The following BANK1 variants were observed in gnomAD, a reference collection of about 807,000 sequenced individuals.
The protein encoded by BANK1 is B-cell scaffold protein with ankyrin repeats.
Under a neutral mutation model 94.5 loss-of-function variants are expected in BANK1, and 95 were observed. The ratio of observed to expected loss-of-function variants is 1.00; its 90% CI spans 0.85 to 1.19. The LOEUF (loss-of-function observed/expected upper bound fraction) is 1.19, where lower values mean the gene tolerates loss of function less well. BANK1 is among the 50% of genes most tolerant of loss of function. BANK1 has a pLI of 0.00. For synonymous variants in BANK1, 334 were observed against 308.4 expected, an observed-to-expected ratio of 1.08 and a Z score of -0.87; for missense variants, 987 against 932.2, an observed-to-expected ratio of 1.06 and a Z score of -0.77.
chr4:101,907,859 G>A (rs1378454511), intron 6 of BANK1, among the ~76,000 whole-genome samples: 1 of 152,136 alleles, frequency 6.6e-6, no homozygotes, highest in African/African-American at 2.4e-5. Flanking sequence ...GGATGTGAAG[G>A]ACCTCTTCAA....
At chr4:101,943,453 A>G (rs2631251) in intron 7 of BANK1, among the ~76,000 whole-genome samples, 134,685 of 151,776 alleles carry the variant, frequency 0.89, 60,288 homozygotes, top group Non-Finnish European at 0.95. Context: ...GCATTAAGGT[A>G]ACAGGACAAC....
chr4:101,936,880 A>G (rs1210073989), intron 7 of BANK1, among the ~76,000 whole-genome samples: 4 of 151,668 alleles, frequency 2.6e-5, no homozygotes, highest in African/African-American at 9.7e-5. Flanking sequence ...TAGTACAACC[A>G]CTATGGAGAA....
rs10026846 is a variant in BANK1 at position 102,010,231 on chromosome 4, C to G, written c.1207-11283C>G. ...AGTGAGCAGAGATCCAGCCACTGCA[C>G]TCCAGCCTGGGCGACAGAGTGAAAC... On this transcript the variant is annotated intron_variant, in intron 7 of 16. Coordinates refer to ENST00000322953, the MANE Select transcript of BANK1 (RefSeq NM_017935.5). 3.9e-4 allele frequency among the ~76,000 whole-genome samples: 59 copies of G among 152,068 alleles called. No homozygotes were observed. In the East Asian group the frequency reaches 4.1e-3, roughly 11 times the overall value.
intron 2 of BANK1, among the ~76,000 whole-genome samples, chr4:101,851,436 A>G (rs1273675992): frequency 1.3e-5 from 2 of 152,256 alleles, no homozygotes; most frequent in East Asian, 1.9e-4. Flanking sequence ...TGTGCCAGGC[A>G]CAACTGTATG....
chr4:101,854,425 C>A (rs1261214596), intron 2 of BANK1, among the ~76,000 whole-genome samples: 1 of 152,114 alleles, frequency 6.6e-6, no homozygotes, highest in Non-Finnish European at 1.5e-5. Flanking sequence ...TTTACATTAG[C>A]ATATTTCAGT....
In BANK1 at chr4:102,060,282, A is replaced by C. The variant is rs1287395291; in HGVS notation, c.2041A>C (p.Ile681Leu). The change falls in exon 12 of 17, where the codon ATC becomes CTC. Residue 681 changes from isoleucine (I) to leucine (L), a missense_variant. Coordinates refer to ENST00000322953, the MANE Select transcript of BANK1 (RefSeq NM_017935.5). Reference protein sequence around the residue: ...GCLTDGQEELILLQEKVKNGK... With the variant: ...GCLTDGQEELLLLQEKVKNGK... ...TCTAACTGATGGTCAGGAAGAACTCATCCTCCTGCAGGAGAAAGTAAAGAA... is the reference window on the plus strand; with the variant it reads ...TCTAACTGATGGTCAGGAAGAACTCCTCCTCCTGCAGGAGAAAGTAAAGAA... 6.2e-7 allele frequency: 1 copy of C among 1,610,192 alleles called. No individual in the cohort carries two copies. The highest frequency in any genetic ancestry group is 1.1e-5 in the South Asian group (1 of 90,294).
chr4:101,940,994 CCTT>C (rs1177794783), intron 7 of BANK1, among the ~76,000 whole-genome samples: 3 of 151,680 alleles, frequency 2.0e-5, no homozygotes, highest in African/African-American at 7.3e-5. Context: ...TATGTGGAAT[CCTT>C]CTACACAGGA....
At chr4:102,001,458 G>C (rs1483694660) in intron 7 of BANK1, among the ~76,000 whole-genome samples, 2 of 152,110 alleles carry the variant, frequency 1.3e-5, no homozygotes, top group Non-Finnish European at 2.9e-5. Flanking sequence ...AAATTAGCTG[G>C]GCATGGTGGC....
intron 7 of BANK1, among the ~76,000 whole-genome samples, chr4:101,991,867 T>C (rs952565290): frequency 6.6e-6 from 1 of 152,210 alleles, no homozygotes; most frequent in Non-Finnish European, 1.5e-5. Context: ...CATCTCTTTC[T>C]CATCGCAGAC....
chr4:102,025,399 A>C lies in BANK1; in HGVS notation c.1484A>C (p.Asp495Ala), dbSNP rs147307680. The change falls in exon 9 of 17, where the codon GAT (aspartate) becomes GCT (alanine). Residue 495 changes from aspartate to alanine, a missense_variant. Transcript: ENST00000322953. ...TTGTATGTGTTCATTCCTGGTGCTG[A>C]TCCAGAAAATAATTCACAAGAGCCA... is the stretch of plus-strand genomic sequence containing the variant. The part of the protein sequence containing the change: ...DDLYVFIPGA[D>A]PENNSQEPLM... The C allele has an allele frequency of 1.9e-6, 3 of 1,613,948 alleles. No individual in the cohort carries two copies. Among genetic ancestry groups the C allele is most frequent in the African/African-American group, 2.7e-5 (2 of 74,884 alleles).
At chr4:101,917,050 A>C (rs928588738) in intron 6 of BANK1, among the ~76,000 whole-genome samples, 6 of 152,022 alleles carry the variant, frequency 3.9e-5, no homozygotes, top group African/African-American at 7.2e-5. Flanking sequence ...AAATAACTAC[A>C]TAGTGTATGA....
In BANK1 at chr4:101,862,575, C is replaced by T. The variant is rs370780104; in HGVS notation, c.674C>T (p.Thr225Ile). 21 of 1,610,292 alleles carry T rather than the reference C, an allele frequency of 1.3e-5. No individual in the cohort carries two copies. The African/African-American group carries it at 2.7e-4, about 21-fold the overall frequency. ...TTGAGAGATGAAGTAATTGGTGATA[C>T]TGTAGAGGTTGAATTTACATCAAGT... ...IILRDEVIGD[T>I]VEVEFTSSNK... is the part of the protein sequence containing the mutation. Residue 225 changes from threonine to isoleucine, a missense_variant, in exon 4 of 17, where the codon ACT (threonine) becomes ATT (isoleucine). Thr to Ile is a moderately conservative substitution (Grantham distance 89, BLOSUM62 -1). Transcript: ENST00000322953.
rs1726973999 is a variant in BANK1, at chr4:101,839,949, T to TA, written c.469+9743_469+9744insA. On this transcript the variant is annotated intron_variant, in intron 2 of 16. Coordinates refer to ENST00000322953, the MANE Select transcript of BANK1 (RefSeq NM_017935.5). ...TTTCAAATATTTAATTTTTTTTTTT[T>TA]TTTTTTTTTTTTTTTTTTTTTTTTT... Among the ~76,000 whole-genome samples the TA allele has an allele frequency of 7.5e-4, 20 of 26,690 alleles. 2 individuals carry two copies. The highest frequency in any genetic ancestry group is 2.0e-3 in the African/African-American group (19 of 9,394). The allele number at this position is 26,690 out of a possible 152,430, so 17.5% of individuals were successfully genotyped here.
intron 2 of BANK1, 48 bp downstream of exon 2, chr4:101,830,254 TTTTG>T (rs1726564928): frequency 2.1e-6 from 3 of 1,420,086 alleles, no homozygotes; most frequent in Non-Finnish European, 2.8e-6. Context: ...GTTTTTTTTT[TTTTG>T]TAATTAAAGA....
At position 101,888,455 on chromosome 4, in the gene BANK1, G is replaced by T. The variant is rs116643286; in HGVS notation, c.904-6850G>T. 2.5e-3 allele frequency among the ~76,000 whole-genome samples: 373 copies of T among 152,192 alleles called. 1 individual carries two copies. Among genetic ancestry groups the T allele is most frequent in the African/African-American group, 8.2e-3 (342 of 41,524 alleles). On this transcript the variant is annotated intron_variant, in intron 5 of 16. Transcript: ENST00000322953. ...TCTGGCTAAACATCAGTATAATGTT[G>T]GGAACTGCAGTGGTGATCTTGAAGC... is the stretch of plus-strand genomic sequence containing the variant.
At chr4:101,878,307 C>T (rs780228112) in intron 5 of BANK1, among the ~76,000 whole-genome samples, 5 of 152,040 alleles carry the variant, frequency 3.3e-5, no homozygotes, top group Non-Finnish European at 5.9e-5. Flanking sequence ...GGGGTAGTTA[C>T]ACTGATAACA....
intron 7 of BANK1, among the ~76,000 whole-genome samples, chr4:101,994,298 T>G (rs1485998760): frequency 6.6e-6 from 1 of 152,214 alleles, no homozygotes; most frequent in African/African-American, 2.4e-5. Flanking sequence ...TGATGGATGC[T>G]ACAGAAATGC....
intron 7 of BANK1, among the ~76,000 whole-genome samples, chr4:101,961,426 C>T (rs912663988): frequency 6.6e-6 from 1 of 152,164 alleles, no homozygotes; most frequent in Non-Finnish European, 1.5e-5. Flanking sequence ...TGGCACTAAG[C>T]TGCCAACTTG....
intron 7 of BANK1, among the ~76,000 whole-genome samples, chr4:102,002,122 C>A (rs1308369350): frequency 6.6e-6 from 1 of 152,222 alleles, no homozygotes; most frequent in Non-Finnish European, 1.5e-5. Context: ...ATTCTCATTT[C>A]ATTTCCTGTA....
Sources: gnomAD v4.1 joint callset for allele counts (sites outside exome capture counted in the v4.1 genomes callset) on GRCh38, gnomAD v4.1.1 for gene constraint, MANE v1.5 for transcripts, NCBI Gene and HGNC (gene_info 2026-07-23, HGNC 2026-07-21) for gene names.